NLK: variants seen among roughly 807,000 people sequenced by gnomAD.
NLK encodes the protein serine/threonine-protein kinase NLK.
NLK carries 11 observed loss-of-function variants against 59.0 expected under a neutral mutation model. That is an observed-to-expected ratio of 0.19 (90% confidence interval 0.12 to 0.31). The LOEUF is 0.31. Ranked by LOEUF, NLK falls within the 10% of genes least tolerant of loss-of-function variation. The probability of loss-of-function intolerance (pLI) is 1.00; values close to 1 mark genes in which losing one functional copy is unlikely to be tolerated. For synonymous variants in NLK, 235 were observed against 235.9 expected (o/e 1.00, Z 0.03); for missense variants, 410 against 661.1 (o/e 0.62, Z 4.16).
intron 3 of NLK, among the ~76,000 whole-genome samples, chr17:28,133,141 G>A (rs1355908482): frequency 1.3e-5 from 2 of 152,186 alleles, no homozygotes; most frequent in African/African-American, 4.8e-5. Context: ...GGTGGTAGTG[G>A]TGATATTGAC....
chr17:28,160,197 C>T (rs189769080), intron 3 of NLK, among the ~76,000 whole-genome samples: 8 of 152,184 alleles, frequency 5.3e-5, no homozygotes, highest in African/African-American at 1.4e-4. Flanking sequence ...GGCATTTCAA[C>T]GTACAATGAT....
intron 8 of NLK, among the ~76,000 whole-genome samples, chr17:28,189,224 A>G (rs1909228069): frequency 1.3e-5 from 2 of 152,204 alleles, no homozygotes; most frequent in Admixed American, 1.3e-4. Context: ...ACAAAGGGTA[A>G]TAAAATGGCA....
chr17:28,127,630 C>T (rs550124836), intron 2 of NLK, among the ~76,000 whole-genome samples: 26 of 152,274 alleles, frequency 1.7e-4, no homozygotes, highest in African/African-American at 5.8e-4. Flanking sequence ...TTGGAAGACT[C>T]AATGTGATTG....
chr17:28,120,970 T>C lies in NLK; in HGVS notation c.459-1633T>C, dbSNP rs547598446. On this transcript the variant is annotated intron_variant, in intron 1 of 10. Coordinates refer to ENST00000407008, the MANE Select transcript of NLK (RefSeq NM_016231.5). The stretch of plus-strand genomic sequence containing the variant: ...CTCAAGGTTAATGATTGAATGTCAG[T>C]CTCGTTGATGATTTCTAGTATTGTA... Among the ~76,000 whole-genome samples, 3 of 152,376 alleles carry C rather than the reference T, an allele frequency of 2.0e-5. No homozygotes were observed. The South Asian group carries it at 6.2e-4, about 32-fold the overall frequency.
At chr17:28,063,600 G>A (rs1909737609) in intron 1 of NLK, among the ~76,000 whole-genome samples, 1 of 152,050 alleles carries the variant, frequency 6.6e-6, no homozygotes, top group East Asian at 1.9e-4. Flanking sequence ...TTTACATAAA[G>A]TTCCTAATTC....
At chr17:28,083,237 G>A (rs1910406072) in intron 1 of NLK, among the ~76,000 whole-genome samples, 3 of 152,162 alleles carry the variant, frequency 2.0e-5, no homozygotes, top group Admixed American at 1.3e-4. Context: ...TTGTATCTGT[G>A]ACAGTGCCTA....
chr17:28,152,007 A>G (rs1421095867), intron 3 of NLK, among the ~76,000 whole-genome samples: 1 of 152,204 alleles, frequency 6.6e-6, no homozygotes, highest in Non-Finnish European at 1.5e-5. Flanking sequence ...GTTTTTTGAT[A>G]TCTGGTAATA....
At chr17:28,153,718 T>C (rs1907582607) in intron 3 of NLK, among the ~76,000 whole-genome samples, 2 of 152,226 alleles carry the variant, frequency 1.3e-5, no homozygotes, top group South Asian at 4.1e-4. Flanking sequence ...TGGTCCTTTG[T>C]TTCCTCTCCC....
chr17:28,201,546 A>AAAAAG, the NLK span, among the ~76,000 whole-genome samples: 2 of 151,902 alleles, frequency 1.3e-5, no homozygotes, highest in East Asian at 1.9e-4. Context: ...CATGTCAAAA[A>AAAAAG]AAAAGAAAAG....
At chr17:28,052,630 CACAGTAAAAAACTG>C (rs1266914208) in intron 1 of NLK, among the ~76,000 whole-genome samples, 6 of 152,100 alleles carry the variant, frequency 3.9e-5, no homozygotes, top group Non-Finnish European at 8.8e-5. Flanking sequence ...TTCTAGTAGC[CACAGTAAAAAACTG>C]AAAAGAAACA....
At chr17:28,070,226 A>G (rs1303791341) in intron 1 of NLK, among the ~76,000 whole-genome samples, 3 of 151,878 alleles carry the variant, frequency 2.0e-5, no homozygotes, top group Non-Finnish European at 4.4e-5. Flanking sequence ...ACAGAGCAAG[A>G]CTGTGTCTCA....
intron 3 of NLK, among the ~76,000 whole-genome samples, chr17:28,140,083 A>G (rs1011910065): frequency 2.0e-5 from 3 of 152,286 alleles, no homozygotes. Context: ...CCAGATGGTG[A>G]GAGTAAGTAT....
At chr17:28,109,059 T>C (rs977632200) in intron 1 of NLK, among the ~76,000 whole-genome samples, 5 of 151,678 alleles carry the variant, frequency 3.3e-5, no homozygotes, top group African/African-American at 4.9e-5. Context: ...TAGTCCCAGC[T>C]ACTTGGGAGG....
intron 7 of NLK, among the ~76,000 whole-genome samples, chr17:28,178,668 T>C (rs990326771): frequency 6.6e-6 from 1 of 152,226 alleles, no homozygotes; most frequent in Admixed American, 6.5e-5. Flanking sequence ...GTGAAGATAG[T>C]CCTGTCTCCT....
rs1908915231 is a variant in NLK, at chr17:28,043,007, A to G, written c.134A>G (p.His45Arg). ...CACCTCCCTCCTCCTCACCTGCACC[A>G]CCACCACCACCCTCAACACCATCTT... ...LPHLPPPHLH[H>R]HHHPQHHLHP... The change falls in exon 1 of 11, where the codon CAC (histidine) becomes CGC (arginine). Residue 45 changes from histidine to arginine, a missense_variant. His to Arg is a conservative substitution (Grantham distance 29, BLOSUM62 0). This residue lies in a region of NLK where 160 missense variants were observed against 171.0 expected (regional missense o/e 0.94). Coordinates refer to ENST00000407008, the MANE Select transcript of NLK (RefSeq NM_016231.5). 1.9e-6 allele frequency: 3 copies of G among 1,556,062 alleles called. No individual in the cohort carries two copies. Among genetic ancestry groups the G allele is most frequent in the Non-Finnish European group, 2.6e-6 (3 of 1,149,346 alleles).
intron 1 of NLK, among the ~76,000 whole-genome samples, chr17:28,113,362 A>G (rs941563068): frequency 1.3e-5 from 2 of 152,232 alleles, no homozygotes; most frequent in African/African-American, 4.8e-5. Flanking sequence ...AGTGAAAGCA[A>G]GTTTACTTAA....
chr17:28,120,850 GACAA>G (rs1252292667), intron 1 of NLK, among the ~76,000 whole-genome samples: 1 of 152,162 alleles, frequency 6.6e-6, no homozygotes, highest in Non-Finnish European at 1.5e-5. Context: ...CAGATATGTA[GACAA>G]TAGGAATTTT....
Position 28,190,423 on chromosome 17 carries a change from C to T in NLK, c.1237-598C>T, listed in dbSNP as rs111665334. 2.7e-3 allele frequency among the ~76,000 whole-genome samples: 415 copies of T among 152,018 alleles called. 4 individuals are homozygous for T. The highest frequency in any genetic ancestry group is 9.3e-3 in the African/African-American group (385 of 41,488). Reference sequence around the variant, plus strand: ...CACAAATTCAAGAACACAGTGAGACCCCATCTCTACAAAAAATTTAAAAAT... The same window carrying T: ...CACAAATTCAAGAACACAGTGAGACTCCATCTCTACAAAAAATTTAAAAAT... On this transcript the variant is annotated intron_variant, in intron 8 of 10. Coordinates refer to ENST00000407008, the MANE Select transcript of NLK (RefSeq NM_016231.5).
At chr17:28,060,478 C>T (rs1909593368) in intron 1 of NLK, among the ~76,000 whole-genome samples, 1 of 151,992 alleles carries the variant, frequency 6.6e-6, no homozygotes, top group East Asian at 1.9e-4. Context: ...CACTATGTTG[C>T]CCAGACTGGT....
Sources: gnomAD v4.1 joint callset for allele counts (sites outside exome capture counted in the v4.1 genomes callset) on GRCh38, gnomAD v4.1.1 for gene constraint, gnomAD v4.1.1 regional missense constraint, MANE v1.5 for transcripts, NCBI Gene and HGNC (gene_info 2026-07-23, HGNC 2026-07-21) for gene names.